RFX3: variants seen among roughly 807,000 people sequenced by gnomAD.
The protein encoded by RFX3 is transcription factor RFX3.
A neutral mutation model predicts 98.6 loss-of-function variants in RFX3; 14 were observed. The ratio of observed to expected loss-of-function variants is 0.14; its 90% CI spans 0.09 to 0.22. The LOEUF (loss-of-function observed/expected upper bound fraction) is 0.22, where lower values mean the gene tolerates loss of function less well. Ranked by LOEUF, RFX3 falls within the 10% of genes least tolerant of loss-of-function variation. RFX3 has a pLI of 1.00. For missense variants in RFX3, 639 were observed against 926.9 expected (o/e 0.69, Z 4.03); for synonymous variants, 383 against 328.4 (o/e 1.17, Z -1.80).
At chr9:3,379,813 G>T (rs892898558) in intron 2 of RFX3, among the ~76,000 whole-genome samples, 1 of 152,052 alleles carries the variant, frequency 6.6e-6, no homozygotes, top group South Asian at 2.1e-4. Context: ...TCTGTAAAAC[G>T]CTTTGCAGTT....
At chr9:3,297,839 T>A (rs1828177363) in intron 5 of RFX3, among the ~76,000 whole-genome samples, 1 of 151,944 alleles carries the variant, frequency 6.6e-6, no homozygotes, top group Admixed American at 6.6e-5. Flanking sequence ...TAAAGAAATG[T>A]ACAACCTTAA....
At chr9:3,469,120 G>C (rs906274715) in intron 1 of RFX3, 1 of 449,886 alleles carries the variant, frequency 2.2e-6, no homozygotes, top group South Asian at 1.6e-5. Context: ...CTATGTTACA[G>C]ATGATCAAGG....
At chr9:3,247,693 C>A in intron 15 of RFX3, 3 of 1,494,640 alleles carry the variant, frequency 2.0e-6, no homozygotes, top group Admixed American at 2.4e-5. Context: ...GTATTCCCAG[C>A]CCTTTGCTTT....
intron 1 of RFX3, among the ~76,000 whole-genome samples, chr9:3,463,493 A>G (rs545282619): frequency 6.6e-6 from 1 of 152,272 alleles, no homozygotes; most frequent in East Asian, 1.9e-4. Flanking sequence ...AAAAATCAAT[A>G]AATTGGGCTT....
chr9:3,235,577 C>A (rs1586676752), intron 15 of RFX3, among the ~76,000 whole-genome samples: 1 of 152,080 alleles, frequency 6.6e-6, no homozygotes, highest in Admixed American at 6.5e-5. Flanking sequence ...AAGGTGTTGG[C>A]AGAGTTGTGG....
chr9:3,296,458 TTA>T (rs1828004670), intron 5 of RFX3, among the ~76,000 whole-genome samples: 1 of 152,104 alleles, frequency 6.6e-6, no homozygotes, highest in Admixed American at 6.6e-5. Context: ...ATTGTTCTTC[TTA>T]TATAGTTTAT....
chr9:3,481,721 C>G (rs528657756), intron 1 of RFX3, among the ~76,000 whole-genome samples: 5 of 151,792 alleles, frequency 3.3e-5, no homozygotes, highest in Middle Eastern at 6.8e-3. Context: ...AAAGAAACTG[C>G]CCAGCAGAAA....
chr9:3,507,442 C>A (rs557982006), intron 1 of RFX3, among the ~76,000 whole-genome samples: 2 of 151,904 alleles, frequency 1.3e-5, no homozygotes, highest in African/African-American at 4.8e-5. Context: ...TTGAAACAAT[C>A]TTTTCAGGTT....
chr9:3,448,402 C>A (rs977953965), intron 1 of RFX3, among the ~76,000 whole-genome samples: 1 of 152,176 alleles, frequency 6.6e-6, no homozygotes, highest in South Asian at 2.1e-4. Flanking sequence ...CCATTTCGAC[C>A]TTTACATCCC....
intron 15 of RFX3, among the ~76,000 whole-genome samples, chr9:3,235,118 T>A (rs528076276): frequency 4.6e-5 from 7 of 152,330 alleles, no homozygotes; most frequent in Middle Eastern, 3.4e-3. Context: ...AAAGATTTCA[T>A]TAAAGTTTGC....
intron 1 of RFX3, among the ~76,000 whole-genome samples, chr9:3,413,282 A>C (rs1440576486): frequency 6.6e-6 from 1 of 152,112 alleles, no homozygotes; most frequent in Non-Finnish European, 1.5e-5. Context: ...CTTTCAGTGC[A>C]TTCAATTTAC....
At chr9:3,365,044 G>C (rs1836889586) in intron 2 of RFX3, among the ~76,000 whole-genome samples, 1 of 152,174 alleles carries the variant, frequency 6.6e-6, no homozygotes, top group Non-Finnish European at 1.5e-5. Context: ...GCTCACGCCT[G>C]TAATCCCAGC....
chr9:3,357,842 C>T (rs1015659387), intron 2 of RFX3, among the ~76,000 whole-genome samples: 1 of 151,988 alleles, frequency 6.6e-6, no homozygotes, highest in African/African-American at 2.4e-5. Flanking sequence ...ATCAAAATAA[C>T]ACATGTATCC....
At chr9:3,416,076 G>A (rs1359414779) in intron 1 of RFX3, among the ~76,000 whole-genome samples, 4 of 152,190 alleles carry the variant, frequency 2.6e-5, no homozygotes, top group Non-Finnish European at 2.9e-5. Flanking sequence ...AATTTACTGT[G>A]TAAGTAAAAT....
chr9:3,472,552 A>C (rs1848866217), intron 1 of RFX3, among the ~76,000 whole-genome samples: 2 of 152,158 alleles, frequency 1.3e-5, no homozygotes, highest in South Asian at 4.1e-4. Flanking sequence ...ACACTTCTCC[A>C]GACAGCAAAG....
intron 1 of RFX3, chr9:3,400,273 C>T: frequency 3.4e-6 from 3 of 883,982 alleles, no homozygotes; most frequent in Non-Finnish European, 4.1e-6. Context: ...TTGTCAACTA[C>T]TTAATAGGAG....
rs1391502810 is a variant in RFX3, at chr9:3,225,209, C to G, written c.2083G>C (p.Glu695Gln). Residue 695 changes from glutamate to glutamine, a missense_variant, in exon 17 of 17, where the codon GAG becomes CAG. Coordinates refer to ENST00000617270, the MANE Select transcript of RFX3 (RefSeq NM_001282116.2). ...AATGCCTGGCTCAGCTCTGTTTTCT[C>G]TCTTTTGGCTTGAGGCTCTGAAGAG... ...DDSSEPQAKR[E>Q]KTELSQAFPV... The G allele has an allele frequency of 1.2e-6, 2 of 1,613,782 alleles. No homozygotes were observed. The highest frequency in any genetic ancestry group is 1.3e-5 in the African/African-American group (1 of 74,930).
At chr9:3,382,962 C>T (rs10971667) in intron 2 of RFX3, among the ~76,000 whole-genome samples, 31,621 of 151,984 alleles carry the variant, frequency 0.21, 3,558 homozygotes, top group African/African-American at 0.3. Context: ...ATACCTATGG[C>T]TATTGACTAT....
intron 1 of RFX3, among the ~76,000 whole-genome samples, chr9:3,462,916 G>C (rs1489862496): frequency 2.0e-5 from 3 of 152,040 alleles, no homozygotes; most frequent in African/African-American, 7.2e-5. Context: ...GGAAATTAAA[G>C]ACTTAAGTAA....
Sources: gnomAD v4.1 joint callset for allele counts (sites outside exome capture counted in the v4.1 genomes callset) on GRCh38, gnomAD v4.1.1 for gene constraint, MANE v1.5 for transcripts, NCBI Gene and HGNC (gene_info 2026-07-23, HGNC 2026-07-21) for gene names.